NDUFB6: variants seen among roughly 807,000 people sequenced by gnomAD.
NDUFB6 encodes NADH:ubiquinone oxidoreductase subunit B6, also known as NADH dehydrogenase [ubiquinone] 1 beta subcomplex subunit 6.
In NDUFB6, 23 loss-of-function variants were observed where a neutral mutation model predicts 17.5. The observed-to-expected ratio is 1.31, with a 90% CI of 0.94 to 1.86. The LOEUF (loss-of-function observed/expected upper bound fraction) is 1.86. Among genes scored for constraint, NDUFB6 ranks in the 40% most tolerant of loss-of-function variants. The pLI, the probability that NDUFB6 is intolerant of heterozygous loss-of-function variation, is 0.00. For missense variants in NDUFB6, 167 were observed against 153.8 expected, an observed-to-expected ratio of 1.09 and a Z score of -0.46; for synonymous variants, 60 against 53.5, an observed-to-expected ratio of 1.12 and a Z score of -0.53.
At chr9:32,566,070 C>CAAA in intron 2 of NDUFB6, 3 of 340,068 alleles carry the variant, frequency 8.8e-6, no homozygotes, top group East Asian at 9.4e-5. Context: ...CTGGAGTGAC[C>CAAA]AAAAAAAAAA....
intron 2 of NDUFB6, chr9:32,568,055 G>GAA: frequency 6.2e-6 from 1 of 160,620 alleles, no homozygotes; most frequent in Non-Finnish European, 1.5e-5. Flanking sequence ...GTCTCAAAAA[G>GAA]AAAAAAAAAA....
At chr9:32,554,002 C>G (rs933744693) in intron 3 of NDUFB6, 58 bp from the exon 4 acceptor site, 1 of 1,074,372 alleles carries the variant, frequency 9.3e-7, no homozygotes, top group Non-Finnish European at 1.4e-6. Flanking sequence ...GGTGATAGTT[C>G]TATTCTGTTC....
chr9:32,556,389 G>C (rs1821455394), intron 3 of NDUFB6, among the ~76,000 whole-genome samples: 1 of 152,194 alleles, frequency 6.6e-6, no homozygotes, highest in South Asian at 2.1e-4. Flanking sequence ...CACAATCTTG[G>C]AACCTCATAT....
chr9:32,558,371 A>G (rs1468760417), intron 3 of NDUFB6, among the ~76,000 whole-genome samples: 1 of 152,178 alleles, frequency 6.6e-6, no homozygotes, highest in Admixed American at 6.5e-5. Context: ...TTGGCCTCCC[A>G]AAGTGCTGGG....
At chr9:32,569,472 C>T (rs1821893147) in intron 2 of NDUFB6, among the ~76,000 whole-genome samples, 1 of 152,174 alleles carries the variant, frequency 6.6e-6, no homozygotes, top group South Asian at 2.1e-4. Flanking sequence ...CCCGCCTCAA[C>T]CTCCCAAAGT....
At chr9:32,562,880 C>A (rs1236495437) in intron 2 of NDUFB6, among the ~76,000 whole-genome samples, 2 of 152,214 alleles carry the variant, frequency 1.3e-5, no homozygotes, top group African/African-American at 4.8e-5. Flanking sequence ...AACACCGTCA[C>A]TGTTCTTACA....
At position 32,571,000 on chromosome 9, in the gene NDUFB6, G is replaced by T. The variant is rs1464618163; in HGVS notation, c.233C>A (p.Pro78His). 1.9e-6 allele frequency: 3 copies of T among 1,604,690 alleles called. No individual in the cohort carries two copies. The highest frequency in any genetic ancestry group is 2.6e-6 in the Non-Finnish European group (3 of 1,174,432). ...SIFVFTHVLV[P>H]VWIIHYYMKY... is the part of the protein sequence containing the mutation. ...CATGTAATAATGAATAATCCAGACA[G>T]GTACAAGTACATGAGTGAAAACAAA... Residue 78 changes from proline (P) to histidine (H), a missense_variant, in exon 2 of 4, where the codon CCT becomes CAT. Coordinates refer to ENST00000379847, the MANE Select transcript of NDUFB6 (RefSeq NM_002493.5).
intron 2 of NDUFB6, chr9:32,567,769 G>A: frequency 6.7e-6 from 2 of 299,450 alleles, no homozygotes; most frequent in East Asian, 9.7e-5. Context: ...GTTGTGTGTT[G>A]TGACTGTTCC....
chr9:32,572,234 T>C (rs1195633051), intron 1 of NDUFB6, among the ~76,000 whole-genome samples: 2 of 152,244 alleles, frequency 1.3e-5, no homozygotes, highest in Non-Finnish European at 2.9e-5. Context: ...TTATCATCCA[T>C]AACAGTCCTC....
At chr9:32,559,548 G>A (rs531629321) in intron 2 of NDUFB6, among the ~76,000 whole-genome samples, 1 of 152,072 alleles carries the variant, frequency 6.6e-6, no homozygotes, top group Non-Finnish European at 1.5e-5. Context: ...CCATTCCTAG[G>A]AGTCCAATTC....
intron 2 of NDUFB6, chr9:32,567,112 G>T (rs1033907430): frequency 4.1e-6 from 2 of 482,204 alleles, no homozygotes; most frequent in Admixed American, 2.3e-5. Flanking sequence ...TCACAGTCTT[G>T]TGCTTCTGGA....
intron 2 of NDUFB6, chr9:32,566,252 C>T (rs1821786347): frequency 9.6e-7 from 1 of 1,038,846 alleles, no homozygotes; most frequent in Non-Finnish European, 1.5e-6. Flanking sequence ...TTATGGCAGA[C>T]AACACTAATT....
At chr9:32,554,551 T>C (rs563125626) in intron 3 of NDUFB6, among the ~76,000 whole-genome samples, 5 of 152,324 alleles carry the variant, frequency 3.3e-5, no homozygotes, top group African/African-American at 7.2e-5. Context: ...GTGTTTAAGA[T>C]AGATTCTGTT....
intron 2 of NDUFB6, among the ~76,000 whole-genome samples, chr9:32,561,269 T>C (rs1821616795): frequency 6.6e-6 from 1 of 152,052 alleles, no homozygotes; most frequent in African/African-American, 2.4e-5. Context: ...ACAGGCCATG[T>C]CCACTTGGAC....
chr9:32,571,570 G>A (rs1821942041), intron 1 of NDUFB6, among the ~76,000 whole-genome samples: 1 of 152,054 alleles, frequency 6.6e-6, no homozygotes. Flanking sequence ...ACTCCAAAAT[G>A]CCCTCTGCAA....
At chr9:32,571,188 G>T in intron 1 of NDUFB6, 136 bp from the exon 2 acceptor site, 1 of 618,512 alleles carries the variant, frequency 1.6e-6, no homozygotes, top group Non-Finnish European at 2.8e-6. Context: ...CTTATAGTCT[G>T]TAGGTAACCT....
chr9:32,568,418 C>T (rs1821859123), intron 2 of NDUFB6: 1 of 254,724 alleles, frequency 3.9e-6, no homozygotes, highest in Non-Finnish European at 8.4e-6. Flanking sequence ...GGAATCTGCT[C>T]CTGGTGAAGA....
At chr9:32,566,792 CAGG>C (rs1821805075) in intron 2 of NDUFB6, 1 of 912,946 alleles carries the variant, frequency 1.1e-6, no homozygotes, top group Non-Finnish European at 1.8e-6. Flanking sequence ...TGACGTTGTA[CAGG>C]AGGTCGGCCA....
chr9:32,561,557 G>C (rs1299575754), intron 2 of NDUFB6, among the ~76,000 whole-genome samples: 1 of 151,978 alleles, frequency 6.6e-6, no homozygotes, highest in African/African-American at 2.4e-5. Context: ...TCGAACCTCT[G>C]AGCTCAAGCA....
Sources: allele counts gnomAD v4.1 joint callset (sites outside exome capture counted in the v4.1 genomes callset), GRCh38; gene constraint gnomAD v4.1.1; transcripts MANE v1.5; gene names NCBI Gene and HGNC (gene_info 2026-07-23, HGNC 2026-07-21).